TRIP4: variants seen among roughly 807,000 people sequenced by gnomAD.
TRIP4 encodes activating signal cointegrator 1.
Under a neutral mutation model 81.8 loss-of-function variants are expected in TRIP4, and 54 were observed. That is an observed-to-expected ratio of 0.66 (90% CI 0.53 to 0.83). The LOEUF (loss-of-function observed/expected upper bound fraction) is 0.83. Ranked by LOEUF, TRIP4 falls within the 40% of genes least tolerant of loss-of-function variation. TRIP4 has a pLI of 0.00. For missense variants in TRIP4, 662 were observed against 683.6 expected, an observed-to-expected ratio of 0.97 and a Z score of 0.35; for synonymous variants, 270 against 242.8, an observed-to-expected ratio of 1.11 and a Z score of -1.04.
intron 7 of TRIP4, among the ~76,000 whole-genome samples, chr15:64,413,842 TC>T (rs1203248024): frequency 6.6e-6 from 1 of 152,184 alleles, no homozygotes. Context: ...CTCCTTGGCC[TC>T]CCAAAGTCCT....
chr15:64,445,653 G>A (rs2140313699), intron 12 of TRIP4, among the ~76,000 whole-genome samples: 1 of 114,358 alleles, frequency 8.7e-6, no homozygotes, highest in East Asian at 2.7e-4. Context: ...TGGTAACAGA[G>A]CGACACTCAG....
chr15:64,445,667 C>CAAAA (rs34704960), intron 12 of TRIP4, among the ~76,000 whole-genome samples: 1 of 77,956 alleles, frequency 1.3e-5, no homozygotes. Flanking sequence ...CACTCAGTCT[C>CAAAA]AAAAAAAAAA....
At chr15:64,445,161 G>A (rs552538264) in intron 12 of TRIP4, 53 bp downstream of exon 12, 7 of 956,544 alleles carry the variant, frequency 7.3e-6, no homozygotes, top group East Asian at 4.9e-5. Flanking sequence ...AGTAAGGAAT[G>A]GGGAAAAAAG....
intron 4 of TRIP4, 109 bp downstream of exon 4, chr15:64,397,927 G>A (rs1596336867): frequency 8.1e-7 from 1 of 1,229,766 alleles, no homozygotes; most frequent in African/African-American, 1.5e-5. Context: ...TTGAGACGGA[G>A]TCTCACTTTG....
intron 5 of TRIP4, among the ~76,000 whole-genome samples, chr15:64,404,046 C>T (rs1891570337): frequency 6.6e-6 from 1 of 152,128 alleles, no homozygotes; most frequent in Non-Finnish European, 1.5e-5. Context: ...ACAAAATTAG[C>T]CGTGCATGGT....
At chr15:64,422,752 G>C (rs1001373905) in intron 9 of TRIP4, among the ~76,000 whole-genome samples, 4 of 152,312 alleles carry the variant, frequency 2.6e-5, no homozygotes, top group African/African-American at 9.6e-5. Context: ...GCAGCATCTA[G>C]TACACAGTCA....
At chr15:64,391,359 G>T (rs116767346) in intron 1 of TRIP4, among the ~76,000 whole-genome samples, 2 of 151,702 alleles carry the variant, frequency 1.3e-5, no homozygotes, top group African/African-American at 4.8e-5. Flanking sequence ...ATTCCACCAG[G>T]TTGGCCAGGA....
intron 5 of TRIP4, 94 bp from the exon 6 acceptor site, chr15:64,406,235 AC>A: frequency 6.7e-7 from 1 of 1,500,706 alleles, no homozygotes; most frequent in African/African-American, 1.4e-5. Context: ...TCAGGCCAGA[AC>A]CAGATCTTCT....
At chr15:64,389,797 C>T (rs1900066150) in intron 1 of TRIP4, among the ~76,000 whole-genome samples, 1 of 150,106 alleles carries the variant, frequency 6.7e-6, no homozygotes, top group African/African-American at 2.4e-5. Context: ...CTCCGCCTCC[C>T]ACGTTCAAGC....
At chr15:64,409,879 A>G in intron 7 of TRIP4, 51 bp downstream of exon 7, 1 of 1,539,658 alleles carries the variant, frequency 6.5e-7, no homozygotes, top group Non-Finnish European at 8.9e-7. Flanking sequence ...GGTTGACCAT[A>G]AAGGATTTTC....
At chr15:64,396,451 G>A (rs561033805) in intron 3 of TRIP4, among the ~76,000 whole-genome samples, 2 of 151,152 alleles carry the variant, frequency 1.3e-5, no homozygotes, top group Admixed American at 6.6e-5. Context: ...GCTAATTTTT[G>A]TATTTTTAGT....
At chr15:64,405,735 C>T (rs1210252600) in intron 5 of TRIP4, among the ~76,000 whole-genome samples, 1 of 152,016 alleles carries the variant, frequency 6.6e-6, no homozygotes, top group Non-Finnish European at 1.5e-5. Flanking sequence ...TGGATCATGT[C>T]TGGAATCCCA....
At chr15:64,406,588 C>A in intron 6 of TRIP4, 129 bp downstream of exon 6, 1 of 1,139,732 alleles carries the variant, frequency 8.8e-7, no homozygotes, top group Non-Finnish European at 1.2e-6. Context: ...GAGCCAGATG[C>A]TCTACATAGG....
At chr15:64,437,315 G>A (rs1262667612) in intron 11 of TRIP4, among the ~76,000 whole-genome samples, 1 of 151,366 alleles carries the variant, frequency 6.6e-6, no homozygotes, top group Non-Finnish European at 1.5e-5. Context: ...CTACTCAGGA[G>A]GCTGAGGCAG....
At chr15:64,427,446 G>T (rs1892173772) in intron 11 of TRIP4, among the ~76,000 whole-genome samples, 1 of 151,974 alleles carries the variant, frequency 6.6e-6, no homozygotes, top group Non-Finnish European at 1.5e-5. Context: ...GCCAATCTTG[G>T]CTCACTGCAA....
chr15:64,410,033 T>TC (rs1180006542), intron 7 of TRIP4, among the ~76,000 whole-genome samples: 4 of 150,370 alleles, frequency 2.7e-5, no homozygotes, highest in African/African-American at 9.8e-5. Flanking sequence ...GGTTTTTTTT[T>TC]TTTTTTTTTT....
At chr15:64,400,900 C>A in intron 5 of TRIP4, 79 bp downstream of exon 5, 1 of 1,173,196 alleles carries the variant, frequency 8.5e-7, no homozygotes, top group African/African-American at 1.5e-5. Context: ...TTTTCTGTAT[C>A]CTGGAGTGCA....
intron 12 of TRIP4, 48 bp from the exon 13 acceptor site, chr15:64,454,949 A>G (rs775300514): frequency 1.3e-6 from 2 of 1,580,698 alleles, no homozygotes; most frequent in South Asian, 1.1e-5. Flanking sequence ...AAAGATTTGC[A>G]TTGCAAATAC....
intron 6 of TRIP4, 58 bp downstream of exon 6, chr15:64,406,517 C>T (rs1452128554): frequency 9.5e-6 from 15 of 1,576,180 alleles, no homozygotes; most frequent in Admixed American, 3.6e-5. Context: ...AGATTCTGGC[C>T]ATTATTTTGG....
Sources: allele counts gnomAD v4.1 joint callset (sites outside exome capture counted in the v4.1 genomes callset), GRCh38; gene constraint gnomAD v4.1.1; transcripts MANE v1.5; gene names NCBI Gene and HGNC (gene_info 2026-07-23, HGNC 2026-07-21).